PRTFDC1: variants seen among roughly 807,000 people sequenced by gnomAD.
PRTFDC1 encodes phosphoribosyl transferase domain containing 1.
A neutral mutation model predicts 34.6 loss-of-function variants in PRTFDC1; 38 were observed. The ratio of observed to expected loss-of-function variants is 1.10; its 90% CI spans 0.85 to 1.44. The LOEUF (loss-of-function observed/expected upper bound fraction) is 1.44. Among genes scored for constraint, PRTFDC1 ranks in the 40% most tolerant of loss-of-function variants. PRTFDC1 has a pLI of 0.00. For synonymous variants in PRTFDC1, 93 were observed against 98.1 expected (o/e 0.95, Z 0.31); for missense variants, 270 against 283.0 (o/e 0.95, Z 0.33).
At chr10:24,922,184 A>G (rs577733162) in intron 3 of PRTFDC1, among the ~76,000 whole-genome samples, 1 of 152,378 alleles carries the variant, frequency 6.6e-6, no homozygotes, top group East Asian at 1.9e-4. Context: ...TTTACATTCT[A>G]TATCAGTTAC....
At chr10:24,876,704 T>A (rs141942859) in intron 3 of PRTFDC1, among the ~76,000 whole-genome samples, 7 of 151,642 alleles carry the variant, frequency 4.6e-5, no homozygotes, top group Admixed American at 2.0e-4. Flanking sequence ...AAAAAAAAAA[T>A]TTATTATTAT....
intron 3 of PRTFDC1, among the ~76,000 whole-genome samples, chr10:24,905,073 G>A (rs530356513): frequency 4.1e-4 from 62 of 151,846 alleles, no homozygotes; most frequent in African/African-American, 1.5e-3. Flanking sequence ...TTGGAAGGCC[G>A]AGGTGGGTGG....
chr10:24,917,903 A>G (rs1399728555), intron 3 of PRTFDC1, among the ~76,000 whole-genome samples: 2 of 152,194 alleles, frequency 1.3e-5, no homozygotes, highest in East Asian at 1.9e-4. Flanking sequence ...ATGGTCTCAG[A>G]ATCTCATATA....
intron 3 of PRTFDC1, among the ~76,000 whole-genome samples, chr10:24,876,064 T>C (rs1489937622): frequency 6.6e-6 from 1 of 152,062 alleles, no homozygotes; most frequent in Admixed American, 6.6e-5. Flanking sequence ...ATAGGGCAAG[T>C]CTACTTTTTG....
intron 3 of PRTFDC1, among the ~76,000 whole-genome samples, chr10:24,912,455 C>G (rs1848641286): frequency 6.6e-6 from 1 of 151,530 alleles, no homozygotes; most frequent in Admixed American, 6.6e-5. Context: ...GAGGCGGTAT[C>G]TCTTTGTGGT....
At chr10:24,864,060 T>C (rs947207061) in intron 4 of PRTFDC1, among the ~76,000 whole-genome samples, 3 of 147,072 alleles carry the variant, frequency 2.0e-5, no homozygotes, top group African/African-American at 7.5e-5. Flanking sequence ...TACCTGCAGA[T>C]GTGGTGGCAA....
At chr10:24,857,839 A>G (rs1465229879) in intron 5 of PRTFDC1, among the ~76,000 whole-genome samples, 3 of 152,184 alleles carry the variant, frequency 2.0e-5, no homozygotes, top group Admixed American at 6.5e-5. Flanking sequence ...CACTACTGCC[A>G]TAGGGATCCC....
At chr10:24,914,404 C>T (rs1246513612) in intron 3 of PRTFDC1, among the ~76,000 whole-genome samples, 1 of 152,098 alleles carries the variant, frequency 6.6e-6, no homozygotes. Context: ...AAAGCCAACA[C>T]CCATGTGTAC....
chr10:24,853,371 A>G (rs923795242), intron 7 of PRTFDC1, among the ~76,000 whole-genome samples: 2 of 151,724 alleles, frequency 1.3e-5, no homozygotes, highest in African/African-American at 4.8e-5. Flanking sequence ...CAGCACTTTG[A>G]GAGGCTTAGG....
At chr10:24,940,564 C>T (rs1235639145) in intron 2 of PRTFDC1, among the ~76,000 whole-genome samples, 3 of 152,138 alleles carry the variant, frequency 2.0e-5, no homozygotes, top group Non-Finnish European at 2.9e-5. Flanking sequence ...TCAATGTTGG[C>T]AAGTATGTGG....
intron 3 of PRTFDC1, among the ~76,000 whole-genome samples, chr10:24,876,556 T>C (rs1358600841): frequency 2.6e-5 from 4 of 151,664 alleles, no homozygotes; most frequent in Non-Finnish European, 5.9e-5. Flanking sequence ...TAGCCAGGTA[T>C]GTTGGTGCAC....
At chr10:24,938,095 G>A (rs1217165475) in intron 2 of PRTFDC1, among the ~76,000 whole-genome samples, 3 of 151,608 alleles carry the variant, frequency 2.0e-5, no homozygotes, top group South Asian at 2.1e-4. Context: ...GCATGGTGGC[G>A]GGTGCCTGTA....
At chr10:24,950,514 G>C (rs1020931442) in intron 1 of PRTFDC1, among the ~76,000 whole-genome samples, 7 of 152,136 alleles carry the variant, frequency 4.6e-5, no homozygotes, top group African/African-American at 1.7e-4. Context: ...TACCAATGCA[G>C]TGGTTGTTTA....
chr10:24,938,448 G>A (rs1004395356), intron 2 of PRTFDC1, among the ~76,000 whole-genome samples: 4 of 152,144 alleles, frequency 2.6e-5, no homozygotes, highest in Admixed American at 2.0e-4. Flanking sequence ...TCTTGTGTGG[G>A]GATGCTCTTA....
At chr10:24,882,610 T>C (rs1848096702) in intron 3 of PRTFDC1, among the ~76,000 whole-genome samples, 1 of 152,178 alleles carries the variant, frequency 6.6e-6, no homozygotes, top group Non-Finnish European at 1.5e-5. Flanking sequence ...CATTTCTTTA[T>C]TCTTATTACT....
intron 4 of PRTFDC1, among the ~76,000 whole-genome samples, 188 bp downstream of exon 4, chr10:24,871,810 G>C (rs909674931): frequency 6.6e-6 from 1 of 152,258 alleles, no homozygotes; most frequent in African/African-American, 2.4e-5. Flanking sequence ...GGTCTGCATG[G>C]TGTCTTGGAA....
intron 4 of PRTFDC1, among the ~76,000 whole-genome samples, chr10:24,861,795 G>A (rs1239125452): frequency 4.6e-5 from 7 of 151,990 alleles, no homozygotes; most frequent in Admixed American, 1.3e-4. Flanking sequence ...GTACAAATGC[G>A]TATTTTTAAA....
intron 3 of PRTFDC1, among the ~76,000 whole-genome samples, chr10:24,901,289 T>C (rs1047930373): frequency 6.6e-6 from 1 of 152,054 alleles, no homozygotes; most frequent in Non-Finnish European, 1.5e-5. Context: ...ACTAAGTGGG[T>C]GTTTCTTTGT....
At chr10:24,860,083 TACTTTAAGA>T (rs1240910953) in intron 4 of PRTFDC1, among the ~76,000 whole-genome samples, 1 of 152,164 alleles carries the variant, frequency 6.6e-6, no homozygotes, top group East Asian at 1.9e-4. Context: ...ATTTATACAA[TACTTTAAGA>T]ATCATGGCCT....
Sources: gnomAD v4.1 joint callset for allele counts (sites outside exome capture counted in the v4.1 genomes callset) on GRCh38, gnomAD v4.1.1 for gene constraint, MANE v1.5 for transcripts, NCBI Gene and HGNC (gene_info 2026-07-23, HGNC 2026-07-21) for gene names.